The following STT3B variants were observed in gnomAD, a reference collection of about 807,000 sequenced individuals.
STT3B encodes dolichyl-diphosphooligosaccharide--protein glycosyltransferase subunit STT3B.
STT3B carries 29 observed loss-of-function variants against 96.8 expected under a neutral mutation model. That is an observed-to-expected ratio of 0.30 (90% CI 0.22 to 0.41). The LOEUF is 0.41. Ranked by LOEUF, STT3B falls within the 10% of genes least tolerant of loss-of-function variation. The pLI is 1.00. For synonymous variants in STT3B, 367 were observed against 360.0 expected (o/e 1.02, Z -0.22); for missense variants, 640 against 1,022.3 (o/e 0.63, Z 5.10).
intron 3 of STT3B, among the ~76,000 whole-genome samples, chr3:31,595,291 C>T (rs1240166869): frequency 1.3e-5 from 2 of 152,146 alleles, no homozygotes; most frequent in South Asian, 2.1e-4. Context: ...TTAAGAGCCA[C>T]GAACTGTGGA....
intron 1 of STT3B, among the ~76,000 whole-genome samples, chr3:31,535,185 C>G (rs951934135): frequency 6.6e-6 from 1 of 152,074 alleles, no homozygotes; most frequent in Non-Finnish European, 1.5e-5. Context: ...AAATTCACTA[C>G]TGAATGATGA....
chr3:31,545,846 A>G (rs1575406545), intron 1 of STT3B, among the ~76,000 whole-genome samples: 1 of 142,852 alleles, frequency 7.0e-6, no homozygotes, highest in Non-Finnish European at 1.5e-5. Context: ...CTCATCAGCT[A>G]TCGTTAGTGT....
chr3:31,625,927 A>G (rs777675291), intron 12 of STT3B, 27 bp from the exon 13 acceptor site: 2 of 1,551,502 alleles, frequency 1.3e-6, no homozygotes, highest in Non-Finnish European at 1.7e-6. Flanking sequence ...AATCAAAAAC[A>G]TTCTCATTTT....
At chr3:31,567,751 A>G (rs1698038744) in intron 1 of STT3B, among the ~76,000 whole-genome samples, 1 of 152,114 alleles carries the variant, frequency 6.6e-6, no homozygotes, top group Non-Finnish European at 1.5e-5. Context: ...TTTATGGGTT[A>G]TATGTGATGT....
intron 1 of STT3B, among the ~76,000 whole-genome samples, chr3:31,539,168 A>T (rs1223128861): frequency 1.3e-5 from 2 of 152,132 alleles, no homozygotes; most frequent in Non-Finnish European, 2.9e-5. Flanking sequence ...GTGTACATAA[A>T]TTAGTGAATG....
chr3:31,608,621 C>T (rs1021613621), intron 5 of STT3B, among the ~76,000 whole-genome samples: 2 of 152,154 alleles, frequency 1.3e-5, no homozygotes, highest in Non-Finnish European at 2.9e-5. Flanking sequence ...TGAATAGAAA[C>T]AGTCTTCATG....
intron 1 of STT3B, among the ~76,000 whole-genome samples, chr3:31,562,714 A>G (rs1054240923): frequency 1.3e-5 from 2 of 152,180 alleles, no homozygotes; most frequent in Non-Finnish European, 2.9e-5. Context: ...GCTGTAAGCA[A>G]TGGAATTTGT....
chr3:31,584,937 C>T (rs772304707), intron 3 of STT3B, among the ~76,000 whole-genome samples: 7 of 152,052 alleles, frequency 4.6e-5, no homozygotes, highest in Non-Finnish European at 7.4e-5. Context: ...GAAATAATTA[C>T]AGTTCTAACT....
intron 5 of STT3B, among the ~76,000 whole-genome samples, chr3:31,614,403 T>G (rs1699258403): frequency 6.6e-6 from 1 of 152,026 alleles, no homozygotes; most frequent in Non-Finnish European, 1.5e-5. Flanking sequence ...ACACAAATTG[T>G]AAATCCCTCC....
chr3:31,553,439 A>C (rs142739109), intron 1 of STT3B, among the ~76,000 whole-genome samples: 1 of 152,364 alleles, frequency 6.6e-6, no homozygotes, highest in East Asian at 1.9e-4. Context: ...AGCAGTAAAA[A>C]AGAATAAACT....
chr3:31,538,488 A>AC (rs145691753), intron 1 of STT3B, among the ~76,000 whole-genome samples: 1,562 of 152,230 alleles, frequency 0.01, 34 homozygotes, highest in African/African-American at 0.035. Context: ...TAAAGTGGTT[A>AC]GATGGATATT....
chr3:31,600,264 A>C, intron 4 of STT3B, 96 bp from the exon 5 acceptor site: 1 of 483,668 alleles, frequency 2.1e-6, no homozygotes, highest in Non-Finnish European at 3.5e-6. Context: ...CTAAAATCTT[A>C]ATGTTTATAT....
chr3:31,636,033 A>C lies in STT3B; in HGVS notation c.2450A>C (p.Lys817Thr), dbSNP rs1244668632. 6.2e-7 allele frequency: 1 copy of C among 1,610,010 alleles called. No individual in the cohort carries two copies. Among genetic ancestry groups the C allele is most frequent in the Non-Finnish European group, 8.5e-7 (1 of 1,178,058 alleles). The change falls in exon 16 of 16, where the codon AAA (lysine) becomes ACA (threonine). Residue 817 changes from lysine (K) to threonine (T), a missense_variant. This residue lies in a region of STT3B where 51 missense variants were observed against 64.2 expected (regional missense o/e 0.79). Coordinates refer to ENST00000295770, the MANE Select transcript of STT3B (RefSeq NM_178862.3). Reference sequence around the variant, plus strand: ...ATTAAAAATAAGCTGGTTTTTAAGAAAGGCAAGAAAATATCTAAGAAGACT... The same window carrying C: ...ATTAAAAATAAGCTGGTTTTTAAGACAGGCAAGAAAATATCTAAGAAGACT... The part of the protein sequence containing the change: ...GYIKNKLVFK[K>T]GKKISKKTV
chr3:31,627,628 A>G (rs1699564477), intron 13 of STT3B, among the ~76,000 whole-genome samples: 1 of 152,370 alleles, frequency 6.6e-6, no homozygotes, highest in East Asian at 1.9e-4. Flanking sequence ...TGTGATGCAG[A>G]TGAAGTAAAG....
intron 3 of STT3B, among the ~76,000 whole-genome samples, chr3:31,589,722 G>GT: frequency 6.6e-6 from 1 of 152,048 alleles, no homozygotes; most frequent in East Asian, 1.9e-4. Context: ...AAATTTGCAT[G>GT]TTAAAATTTA....
At chr3:31,568,097 T>C (rs1410691228) in intron 1 of STT3B, among the ~76,000 whole-genome samples, 1 of 152,134 alleles carries the variant, frequency 6.6e-6, no homozygotes, top group African/African-American at 2.4e-5. Context: ...ATATGAGATA[T>C]AACATGTAAA....
intron 3 of STT3B, among the ~76,000 whole-genome samples, chr3:31,590,242 T>C (rs951304752): frequency 6.6e-6 from 1 of 151,996 alleles, no homozygotes; most frequent in African/African-American, 2.4e-5. Flanking sequence ...TTCATTAGTC[T>C]AGATAAAGCT....
chr3:31,594,426 C>G (rs2125460309), intron 3 of STT3B, among the ~76,000 whole-genome samples: 1 of 151,636 alleles, frequency 6.6e-6, no homozygotes, highest in East Asian at 1.9e-4. Context: ...ATTCCCATCA[C>G]CCCCTCAAGG....
chr3:31,613,001 C>T (rs1699219171), intron 5 of STT3B, among the ~76,000 whole-genome samples: 1 of 152,086 alleles, frequency 6.6e-6, no homozygotes, highest in Non-Finnish European at 1.5e-5. Flanking sequence ...TGCAATTGAA[C>T]CAATTATCCA....
Sources: gnomAD v4.1 joint callset for allele counts (sites outside exome capture counted in the v4.1 genomes callset) on GRCh38, gnomAD v4.1.1 for gene constraint, gnomAD v4.1.1 regional missense constraint, MANE v1.5 for transcripts, NCBI Gene and HGNC (gene_info 2026-07-23, HGNC 2026-07-21) for gene names.